The following TMEM117 variants were observed in gnomAD, a reference collection of about 807,000 sequenced individuals.
TMEM117 encodes transmembrane protein 117.
A neutral mutation model predicts 52.4 loss-of-function variants in TMEM117; 27 were observed. The ratio of observed to expected loss-of-function variants is 0.51; its 90% CI spans 0.38 to 0.71. TMEM117 has a LOEUF of 0.71. TMEM117 is among the 30% of genes least tolerant of loss of function. The pLI, the probability that TMEM117 is intolerant of heterozygous loss-of-function variation, is 0.00. For missense variants in TMEM117, 556 were observed against 630.5 expected, an observed-to-expected ratio of 0.88 and a Z score of 1.26; for synonymous variants, 215 against 206.3, an observed-to-expected ratio of 1.04 and a Z score of -0.36.
At chr12:44,230,116 G>A (rs1949914061) in intron 5 of TMEM117, among the ~76,000 whole-genome samples, 3 of 151,894 alleles carry the variant, frequency 2.0e-5, no homozygotes, top group Admixed American at 1.3e-4. Flanking sequence ...TTACTGACTC[G>A]TTTAATCAGA....
chr12:44,398,665 C>G, the TMEM117 span, among the ~76,000 whole-genome samples: 3 of 152,158 alleles, frequency 2.0e-5, no homozygotes, highest in Non-Finnish European at 4.4e-5. Flanking sequence ...TGGGGGCAGG[C>G]TACTGGGACA....
At chr12:44,317,074 A>G (rs1279164763) in intron 6 of TMEM117, among the ~76,000 whole-genome samples, 1 of 132,278 alleles carries the variant, frequency 7.6e-6, no homozygotes, top group African/African-American at 2.9e-5. Context: ...CAAGCTTTGC[A>G]TTCTTAATCC....
chr12:44,118,600 C>G lies in TMEM117; in HGVS notation c.411-24925C>G, dbSNP rs138257520. On this transcript the variant is annotated intron_variant, in intron 3 of 7. Coordinates refer to ENST00000266534, the MANE Select transcript of TMEM117 (RefSeq NM_032256.3). ...GACGAGAAGTAGAGAGATTGTATGTCATGTTATTGGCTTATCCCTAAAACT... is the reference window on the plus strand; with the variant it reads ...GACGAGAAGTAGAGAGATTGTATGTGATGTTATTGGCTTATCCCTAAAACT... 1.5e-3 allele frequency among the ~76,000 whole-genome samples: 224 copies of G among 152,246 alleles called. 2 individuals carry two copies. Among genetic ancestry groups the G allele is most frequent in the African/African-American group, 5.1e-3 (211 of 41,542 alleles).
At chr12:44,295,534 A>G (rs1250779281) in intron 5 of TMEM117, among the ~76,000 whole-genome samples, 1 of 151,790 alleles carries the variant, frequency 6.6e-6, no homozygotes, top group Non-Finnish European at 1.5e-5. Flanking sequence ...ACTCTTTTTT[A>G]ATTGTCATTC....
chr12:43,970,191 G>A (rs1190839686), intron 3 of TMEM117, among the ~76,000 whole-genome samples: 1 of 152,122 alleles, frequency 6.6e-6, no homozygotes, highest in African/African-American at 2.4e-5. Context: ...CAGTGCTTGT[G>A]TTCAAGGAAC....
chr12:43,881,658 G>A (rs941516292), intron 2 of TMEM117, among the ~76,000 whole-genome samples: 2 of 151,826 alleles, frequency 1.3e-5, no homozygotes, highest in Non-Finnish European at 2.9e-5. Flanking sequence ...GTGTGGTGGT[G>A]CATGCCTGTA....
chr12:44,388,801 G>T lies in TMEM117; in HGVS notation c.*129G>T. 1 of 969,830 alleles carries T rather than the reference G, an allele frequency of 1.0e-6. No individual in the cohort carries two copies. The highest frequency in any genetic ancestry group is 1.5e-6 in the Non-Finnish European group (1 of 659,752). 60.1% of individuals were successfully genotyped at this position (969,830 alleles called of 1,614,324 possible). A position where few individuals can be genotyped will look rare whatever the true frequency, so the allele number is the denominator to read the frequency against. ...AAAATATGAACAATGCCACAACGGT[G>T]CTCAACATGCTTTTTCTAGGATTCA... is the stretch of plus-strand genomic sequence containing the variant. On this transcript the variant is annotated 3_prime_UTR_variant, in exon 8 of 8. Transcript: ENST00000266534.
chr12:44,143,430 A>G, intron 3 of TMEM117, 95 bp from the exon 4 acceptor site: 1 of 829,012 alleles, frequency 1.2e-6, no homozygotes, highest in East Asian at 2.7e-5. Context: ...GCTTGCTGAG[A>G]ATGGGAGAAG....
intron 3 of TMEM117, among the ~76,000 whole-genome samples, chr12:44,089,870 T>C (rs1035954900): frequency 6.6e-6 from 1 of 152,204 alleles, no homozygotes; most frequent in Non-Finnish European, 1.5e-5. Flanking sequence ...AGACAATTCT[T>C]AAACAAATAG....
At chr12:44,142,396 T>C (rs533520838) in intron 3 of TMEM117, among the ~76,000 whole-genome samples, 20 of 152,252 alleles carry the variant, frequency 1.3e-4, no homozygotes, top group African/African-American at 4.8e-4. Context: ...TTAAGTTTGC[T>C]TTTTTTGTTA....
chr12:43,967,408 C>T (rs886714361), intron 3 of TMEM117, among the ~76,000 whole-genome samples: 14 of 152,162 alleles, frequency 9.2e-5, no homozygotes, highest in African/African-American at 3.4e-4. Flanking sequence ...CAGGCATGAG[C>T]CACTGCACCC....
At chr12:44,055,929 G>A (rs1947047595) in intron 3 of TMEM117, among the ~76,000 whole-genome samples, 1 of 151,954 alleles carries the variant, frequency 6.6e-6, no homozygotes, top group African/African-American at 2.4e-5. Context: ...CTTTCAGCTT[G>A]TTTTCAGCTT....
intron 5 of TMEM117, among the ~76,000 whole-genome samples, chr12:44,226,538 A>G (rs1479901984): frequency 2.1e-5 from 3 of 140,764 alleles, no homozygotes; most frequent in African/African-American, 7.9e-5. Flanking sequence ...CATATAATAT[A>G]CATGTTGTTA....
At chr12:43,835,913 T>A (rs1244559816), upstream of TMEM117, 1 of 151,720 alleles carries the variant, frequency 6.6e-6, no homozygotes, top group Non-Finnish European at 1.5e-5. Context: ...ATGATCGCGG[T>A]CACCTGCGCG....
intron 4 of TMEM117, among the ~76,000 whole-genome samples, chr12:44,155,748 A>G (rs908139195): frequency 1.3e-5 from 2 of 152,096 alleles, no homozygotes; most frequent in Non-Finnish European, 2.9e-5. Flanking sequence ...TACAACAAAA[A>G]TATCACTAAT....
the TMEM117 span, among the ~76,000 whole-genome samples, chr12:43,803,330 GT>G: frequency 6.6e-6 from 1 of 152,106 alleles, no homozygotes; most frequent in Non-Finnish European, 1.5e-5. Context: ...CCCAATTGTA[GT>G]TGCCCCAGGG....
intron 5 of TMEM117, among the ~76,000 whole-genome samples, chr12:44,256,995 A>G (rs1192956786): frequency 1.3e-5 from 2 of 150,500 alleles, no homozygotes; most frequent in African/African-American, 4.9e-5. Context: ...CTGACAAATG[A>G]CTTTTTTATT....
chr12:44,224,743 A>T (rs1050100873), intron 5 of TMEM117, among the ~76,000 whole-genome samples: 2 of 152,116 alleles, frequency 1.3e-5, no homozygotes, highest in African/African-American at 2.4e-5. Flanking sequence ...CCTTTTAGTA[A>T]ATAAACTACC....
chr12:44,185,241 G>A (rs1949261044), intron 4 of TMEM117, among the ~76,000 whole-genome samples: 2 of 152,162 alleles, frequency 1.3e-5, no homozygotes, highest in Non-Finnish European at 2.9e-5. Context: ...AGTCCTGGTA[G>A]TAATACAAAG....
Sources: gnomAD v4.1 joint callset for allele counts (sites outside exome capture counted in the v4.1 genomes callset) on GRCh38, gnomAD v4.1.1 for gene constraint, MANE v1.5 for transcripts, NCBI Gene and HGNC (gene_info 2026-07-23, HGNC 2026-07-21) for gene names.